Variants in GRID1 observed in about 807,000 individuals in gnomAD.
GRID1 encodes glutamate receptor ionotropic, delta-1.
GRID1 carries 28 observed loss-of-function variants against 98.0 expected under a neutral mutation model. The ratio of observed to expected loss-of-function variants is 0.29; its 90% CI spans 0.21 to 0.39. The LOEUF (loss-of-function observed/expected upper bound fraction) is 0.39, where lower values mean the gene tolerates loss of function less well. Ranked by LOEUF, GRID1 falls within the 10% of genes least tolerant of loss-of-function variation. GRID1 has a pLI of 1.00. For synonymous variants in GRID1, 553 were observed against 538.5 expected, an observed-to-expected ratio of 1.03 and a Z score of -0.37; for missense variants, 1,111 against 1,340.5, an observed-to-expected ratio of 0.83 and a Z score of 2.67.
intron 4 of GRID1, among the ~76,000 whole-genome samples, chr10:86,083,005 GATGAAAGATGTCACA>G: frequency 6.6e-6 from 1 of 152,162 alleles, no homozygotes; most frequent in Non-Finnish European, 1.5e-5. Context: ...GTTTCTGGAG[GATGAAAGATGTCACA>G]TTGCTCATCT....
chr10:85,953,721 G>A (rs1842153842), intron 4 of GRID1, among the ~76,000 whole-genome samples: 1 of 152,176 alleles, frequency 6.6e-6, no homozygotes, highest in South Asian at 2.1e-4. Flanking sequence ...CTCTGTATAG[G>A]TAGTCTCTGA....
intron 7 of GRID1, among the ~76,000 whole-genome samples, chr10:85,855,289 A>T (rs1278843500): frequency 6.6e-6 from 1 of 152,144 alleles, no homozygotes; most frequent in African/African-American, 2.4e-5. Context: ...TTCATAGGAG[A>T]AGGAGGCAGC....
At position 85,977,313 on chromosome 10, in the gene GRID1, C is replaced by T. The variant is rs559262542; in HGVS notation, c.727-61074G>A. Among the ~76,000 whole-genome samples, 20 of 152,134 alleles carry T rather than the reference C, an allele frequency of 1.3e-4. No individual in the cohort carries two copies. The South Asian group carries it at 3.5e-3, about 27-fold the overall frequency. On this transcript the variant is annotated intron_variant, in intron 4 of 15. Coordinates refer to ENST00000327946, the MANE Select transcript of GRID1 (RefSeq NM_017551.3). ...TGCTGGAGGTAGCACAGAATCTGTCCCAGGCAGGTAATACAGTGGTGAGAA... is the reference window on the plus strand; with the variant it reads ...TGCTGGAGGTAGCACAGAATCTGTCTCAGGCAGGTAATACAGTGGTGAGAA...
chr10:85,717,539 C>A (rs1841653715), intron 12 of GRID1, among the ~76,000 whole-genome samples: 1 of 152,176 alleles, frequency 6.6e-6, no homozygotes, highest in Non-Finnish European at 1.5e-5. Context: ...TCAATTACCT[C>A]TCCCTGGATC....
intron 4 of GRID1, among the ~76,000 whole-genome samples, chr10:86,078,283 A>G (rs563028735): frequency 6.6e-6 from 1 of 152,376 alleles, no homozygotes; most frequent in Admixed American, 6.5e-5. Flanking sequence ...TGGACAACAC[A>G]ATTGATCCAT....
intron 12 of GRID1, among the ~76,000 whole-genome samples, chr10:85,714,225 G>A (rs1255579496): frequency 7.2e-5 from 11 of 151,892 alleles, no homozygotes; most frequent in South Asian, 2.1e-4. Flanking sequence ...GGATAGATAC[G>A]AGAGGAACAA....
intron 4 of GRID1, among the ~76,000 whole-genome samples, chr10:86,004,256 A>G (rs1842833313): frequency 6.6e-6 from 1 of 152,198 alleles, no homozygotes. Context: ...ATGGAGGAAT[A>G]TTGCAATTCT....
chr10:85,745,842 G>C (rs1841991636), intron 8 of GRID1, among the ~76,000 whole-genome samples: 1 of 152,084 alleles, frequency 6.6e-6, no homozygotes, highest in South Asian at 2.1e-4. Flanking sequence ...AAGGAAATCA[G>C]CTGCAAAAAG....
intron 4 of GRID1, among the ~76,000 whole-genome samples, chr10:86,067,472 G>C (rs1843737597): frequency 6.6e-6 from 1 of 152,192 alleles, no homozygotes; most frequent in Non-Finnish European, 1.5e-5. Flanking sequence ...CTACAAACTG[G>C]GAGGCATCAG....
At chr10:86,117,834 G>A (rs1844606724) in intron 4 of GRID1, among the ~76,000 whole-genome samples, 7 of 152,214 alleles carry the variant, frequency 4.6e-5, no homozygotes, top group Admixed American at 4.6e-4. Flanking sequence ...GTGAAAAGGG[G>A]ACACATTTAC....
intron 13 of GRID1, among the ~76,000 whole-genome samples, chr10:85,629,592 C>A (rs1486474738): frequency 2.6e-5 from 4 of 152,120 alleles, no homozygotes; most frequent in Non-Finnish European, 5.9e-5. Flanking sequence ...AATAATATTC[C>A]TTTGCATAAA....
At chr10:86,352,419 AT>A (rs1848475992) in intron 2 of GRID1, among the ~76,000 whole-genome samples, 1 of 152,166 alleles carries the variant, frequency 6.6e-6, no homozygotes, top group Admixed American at 6.5e-5. Flanking sequence ...AGACGAATTT[AT>A]TTTCTCAACA....
intron 13 of GRID1, among the ~76,000 whole-genome samples, chr10:85,634,151 C>G (rs1289567932): frequency 1.4e-5 from 2 of 142,310 alleles, no homozygotes; most frequent in Non-Finnish European, 3.0e-5. Flanking sequence ...GCCTGGGCAA[C>G]AAGAGCGAAA....
In GRID1 at chr10:86,130,037, G is replaced by A. The variant is rs115132481; in HGVS notation, c.726+8782C>T. Among the ~76,000 whole-genome samples the A allele has an allele frequency of 2.3e-3, 349 of 152,370 alleles. 1 individual carries two copies. The highest frequency in any genetic ancestry group is 8.0e-3 in the African/African-American group (332 of 41,592). On this transcript the variant is annotated intron_variant, in intron 4 of 15. Coordinates refer to ENST00000327946, the MANE Select transcript of GRID1 (RefSeq NM_017551.3). ...GGGCTAGTGTGCTTGTCAAGGGGCA[G>A]GCTCATCACCCCAGCTTACAGCTGG...
chr10:86,218,477 C>A (rs1010424893), intron 2 of GRID1, among the ~76,000 whole-genome samples: 1 of 152,188 alleles, frequency 6.6e-6, no homozygotes, highest in African/African-American at 2.4e-5. Flanking sequence ...GCCAGCCTAA[C>A]CAGCCCCAAG....
rs1841738511 is a variant in GRID1 at position 85,724,425 on chromosome 10, G to A, written c.1785C>T (p.Ala595=). Residue 595 remains alanine (A), a synonymous_variant, in exon 11 of 16, where the codon GCC becomes GCT. Coordinates refer to ENST00000327946, the MANE Select transcript of GRID1 (RefSeq NM_017551.3). ...RIQAVRAQSA[A]QPRPSASATL... ...TGGCAGAAGCTGACGGCCTGGGCTG[G>A]GCAGCACTCTGAGCCCTCACAGCCT... 1 of 1,614,072 alleles carries A rather than the reference G, an allele frequency of 6.2e-7. No individual in the cohort carries two copies. The highest frequency in any genetic ancestry group is 8.5e-7 in the Non-Finnish European group (1 of 1,179,998).
chr10:86,016,247 T>C (rs1467316695), intron 4 of GRID1, among the ~76,000 whole-genome samples: 5 of 150,532 alleles, frequency 3.3e-5, no homozygotes, highest in African/African-American at 9.7e-5. Flanking sequence ...CCTGGGTTCT[T>C]GCCATTCTCC....
At chr10:85,748,312 G>A (rs1459098929) in intron 8 of GRID1, among the ~76,000 whole-genome samples, 3 of 152,150 alleles carry the variant, frequency 2.0e-5, no homozygotes, top group Non-Finnish European at 4.4e-5. Context: ...GCTCAAGGGT[G>A]AGATTGCCTG....
At chr10:86,092,913 T>A (rs1844169043) in intron 4 of GRID1, among the ~76,000 whole-genome samples, 1 of 152,296 alleles carries the variant, frequency 6.6e-6, no homozygotes, top group East Asian at 1.9e-4. Context: ...GAACATTCAA[T>A]CCAGCAACCG....
Sources: gnomAD v4.1 joint callset for allele counts (sites outside exome capture counted in the v4.1 genomes callset) on GRCh38, gnomAD v4.1.1 for gene constraint, MANE v1.5 for transcripts, NCBI Gene and HGNC (gene_info 2026-07-23, HGNC 2026-07-21) for gene names.